RAD51B: variants seen among roughly 807,000 people sequenced by gnomAD.
RAD51B encodes DNA repair protein RAD51 homolog 2.
RAD51B carries 38 observed loss-of-function variants against 42.2 expected under a neutral mutation model. The ratio of observed to expected loss-of-function variants is 0.90; its 90% CI spans 0.70 to 1.18. The LOEUF is 1.18. Among genes scored for constraint, RAD51B ranks in the 50% most tolerant of loss-of-function variants. RAD51B has a pLI of 0.00. For missense variants in RAD51B, 373 were observed against 400.7 expected (o/e 0.93, Z 0.59); for synonymous variants, 154 against 145.2 (o/e 1.06, Z -0.43).
intron 10 of RAD51B, among the ~76,000 whole-genome samples, chr14:68,471,812 G>T (rs556921300): frequency 6.6e-6 from 1 of 151,914 alleles, no homozygotes; most frequent in East Asian, 1.9e-4. Flanking sequence ...CATCTCCTTT[G>T]TCTGTCCAGC....
intron 4 of RAD51B, among the ~76,000 whole-genome samples, chr14:67,862,511 T>C (rs1228759031): frequency 6.6e-6 from 1 of 152,072 alleles, no homozygotes; most frequent in Non-Finnish European, 1.5e-5. Flanking sequence ...GAACAATCAA[T>C]TGACGTGAAG....
intron 10 of RAD51B, among the ~76,000 whole-genome samples, chr14:68,533,623 G>A (rs1887443809): frequency 6.6e-6 from 1 of 152,138 alleles, no homozygotes; most frequent in Non-Finnish European, 1.5e-5. Context: ...TTCTCAGTAA[G>A]ACATAAACTG....
chr14:68,047,439 G>A (rs1263640907), intron 7 of RAD51B, among the ~76,000 whole-genome samples: 2 of 152,006 alleles, frequency 1.3e-5, no homozygotes, highest in Non-Finnish European at 1.5e-5. Flanking sequence ...TGCACCTTTT[G>A]TGGGAAATTC....
At chr14:68,377,772 G>A (rs1566843265) in intron 8 of RAD51B, among the ~76,000 whole-genome samples, 2 of 152,224 alleles carry the variant, frequency 1.3e-5, no homozygotes, top group Admixed American at 6.5e-5. Flanking sequence ...ATAGCCATCT[G>A]TGTGGCTTAG....
intron 7 of RAD51B, among the ~76,000 whole-genome samples, chr14:68,013,970 C>T (rs971933274): frequency 3.3e-5 from 5 of 152,200 alleles, no homozygotes; most frequent in Admixed American, 2.6e-4. Flanking sequence ...ACTGACCAAA[C>T]TTGATTTATA....
exon 11 of RAD51B, chr14:68,594,630 T>C: frequency 7.8e-7 from 1 of 1,285,288 alleles, no homozygotes; most frequent in Non-Finnish European, 1.0e-6. Context: ...GGTCTCATTA[T>C]GTTGCCCAAG....
At chr14:68,448,115 C>T (rs998096818) in intron 9 of RAD51B, among the ~76,000 whole-genome samples, 5 of 152,136 alleles carry the variant, frequency 3.3e-5, no homozygotes, top group Admixed American at 6.5e-5. Context: ...GAGGACCTTC[C>T]AAAGGCTTTG....
chr14:68,416,847 G>C (rs1005381371), intron 9 of RAD51B, among the ~76,000 whole-genome samples: 5 of 152,146 alleles, frequency 3.3e-5, no homozygotes, highest in Admixed American at 6.5e-5. Flanking sequence ...GGGAGAGAAG[G>C]GTTCTGCAGC....
At position 67,884,622 on chromosome 14, in the gene RAD51B, C is replaced by T. The variant is rs11626594; in HGVS notation, c.453-1247C>T. On this transcript the variant is annotated intron_variant, in intron 5 of 10. Transcript: ENST00000471583. ...TGCCATCTCATTTCTTGATTTCCTC[C>T]CTTACCTCATTTCCTTCTTCCATTT... is the stretch of plus-strand genomic sequence containing the variant. Among the ~76,000 whole-genome samples, 7 of 151,876 alleles carry T rather than the reference C, an allele frequency of 4.6e-5. No homozygotes were observed. The East Asian group carries it at 1.4e-3, about 29-fold the overall frequency.
chr14:68,558,053 C>T (rs1888946819), intron 10 of RAD51B, among the ~76,000 whole-genome samples: 1 of 152,222 alleles, frequency 6.6e-6, no homozygotes, highest in South Asian at 2.1e-4. Flanking sequence ...ATTTACGCCA[C>T]CCCATGAGAG....
intron 10 of RAD51B, among the ~76,000 whole-genome samples, chr14:68,529,354 G>A (rs185785378): frequency 1.1e-4 from 16 of 152,298 alleles, no homozygotes; most frequent in East Asian, 5.8e-4. Flanking sequence ...GTGCCACCAC[G>A]CCAGGCTAAT....
Position 68,661,654 on chromosome 14 carries a change from C to T in RAD51B, c.*11+10798C>T, listed in dbSNP as rs186998853. Among the ~76,000 whole-genome samples, 99 of 152,284 alleles carry T rather than the reference C, an allele frequency of 6.5e-4. 1 individual carries two copies. The highest frequency in any genetic ancestry group is 5.2e-4 in the Admixed American group (8 of 15,298). On this transcript the variant is annotated intron_variant, in intron 11 of 11. Transcript: ENST00000488612. ...CAAGGAAGTGTTAGCATGAAGGGGG[C>T]GTGGCATGCAAACATATTCATGTGG...
intron 8 of RAD51B, among the ~76,000 whole-genome samples, chr14:68,335,321 A>G (rs1197783126): frequency 6.6e-6 from 1 of 151,662 alleles, no homozygotes; most frequent in East Asian, 1.9e-4. Context: ...AAAGAAAAGA[A>G]AAAAGAAACA....
At chr14:67,941,885 G>GA (rs749722022) in intron 7 of RAD51B, among the ~76,000 whole-genome samples, 2 of 152,194 alleles carry the variant, frequency 1.3e-5, no homozygotes, top group African/African-American at 4.8e-5. Context: ...CAGCTGCAGA[G>GA]AGCAGGCTGG....
chr14:67,960,765 C>T (rs1342198479), intron 7 of RAD51B, among the ~76,000 whole-genome samples: 2 of 152,110 alleles, frequency 1.3e-5, no homozygotes, highest in Non-Finnish European at 2.9e-5. Context: ...AATTACTGGG[C>T]TCAAGCAATC....
chr14:68,296,209 C>G (rs1473925369), intron 8 of RAD51B, among the ~76,000 whole-genome samples: 1 of 152,114 alleles, frequency 6.6e-6, no homozygotes, highest in African/African-American at 2.4e-5. Flanking sequence ...ACTGTTAGAG[C>G]TGGAAAAGAC....
intron 7 of RAD51B, among the ~76,000 whole-genome samples, chr14:67,912,480 C>T (rs570205597): frequency 1.1e-4 from 17 of 152,228 alleles, no homozygotes; most frequent in East Asian, 7.7e-4. Flanking sequence ...TATGAACCCA[C>T]GGCTGGTGCT....
At chr14:68,439,305 C>A (rs2085226961) in intron 9 of RAD51B, among the ~76,000 whole-genome samples, 1 of 152,030 alleles carries the variant, frequency 6.6e-6, no homozygotes, top group African/African-American at 2.4e-5. Flanking sequence ...AGCCTCTGGG[C>A]TCTAGTAACA....
intron 7 of RAD51B, among the ~76,000 whole-genome samples, chr14:68,193,787 G>C (rs558839984): frequency 6.6e-6 from 1 of 152,294 alleles, no homozygotes; most frequent in Admixed American, 6.5e-5. Context: ...TTTTCTGATT[G>C]AATGTGTTAA....
Sources: allele counts gnomAD v4.1 joint callset (sites outside exome capture counted in the v4.1 genomes callset), GRCh38; gene constraint gnomAD v4.1.1; transcripts MANE v1.5; gene names NCBI Gene and HGNC (gene_info 2026-07-23, HGNC 2026-07-21).